Variants in CCDC60 observed in about 807,000 individuals in gnomAD.
CCDC60 encodes coiled-coil domain-containing protein 60.
A neutral mutation model predicts 63.5 loss-of-function variants in CCDC60; 54 were observed. The ratio of observed to expected loss-of-function variants is 0.85; its 90% CI spans 0.68 to 1.07. The LOEUF (loss-of-function observed/expected upper bound fraction) is 1.07, where lower values mean the gene tolerates loss of function less well. CCDC60 is among the 50% of genes least tolerant of loss of function. The pLI, the probability that CCDC60 is intolerant of heterozygous loss-of-function variation, is 0.00. For synonymous variants in CCDC60, 206 were observed against 238.8 expected, an observed-to-expected ratio of 0.86 and a Z score of 1.27; for missense variants, 651 against 684.3, an observed-to-expected ratio of 0.95 and a Z score of 0.54.
chr12:119,468,444 T>C (rs913428201), intron 2 of CCDC60, among the ~76,000 whole-genome samples: 3 of 152,172 alleles, frequency 2.0e-5, no homozygotes, highest in Non-Finnish European at 2.9e-5. Flanking sequence ...GACAAGAACA[T>C]GAGCTGAGCA....
chr12:119,445,473 C>A (rs1338463701), intron 2 of CCDC60, among the ~76,000 whole-genome samples: 11 of 112,050 alleles, frequency 9.8e-5, no homozygotes, highest in East Asian at 2.7e-4. Flanking sequence ...CTCTGAGAAG[C>A]ATTTTTCTGC....
chr12:119,439,347 C>T (rs1950393712), intron 2 of CCDC60, among the ~76,000 whole-genome samples: 1 of 151,944 alleles, frequency 6.6e-6, no homozygotes, highest in Non-Finnish European at 1.5e-5. Flanking sequence ...ATATGTAACT[C>T]CCCTAGACCT....
intron 2 of CCDC60, among the ~76,000 whole-genome samples, chr12:119,463,719 A>G (rs1390742492): frequency 1.3e-5 from 2 of 152,242 alleles, no homozygotes; most frequent in Non-Finnish European, 2.9e-5. Context: ...TACACTGGAA[A>G]CACTTGAGAA....
At position 119,435,616 on chromosome 12, in the gene CCDC60, AC is replaced by A. The variant is rs1394205959; in HGVS notation, c.170+6855del. Among the ~76,000 whole-genome samples, 4 of 152,202 alleles carry A rather than the reference AC, an allele frequency of 2.6e-5. No homozygotes were observed. The East Asian group carries it at 5.8e-4, about 22-fold the overall frequency. On this transcript the variant is annotated intron_variant, in intron 2 of 13. Transcript: ENST00000327554. The stretch of plus-strand genomic sequence containing the variant: ...GAAGTTTATATTTACATAGCATCTT[AC>A]AATCTTCCCCGAGGCAGGCAGGAAA...
At chr12:119,518,555 A>G (rs1952414170) in intron 8 of CCDC60, among the ~76,000 whole-genome samples, 1 of 152,226 alleles carries the variant, frequency 6.6e-6, no homozygotes, top group Non-Finnish European at 1.5e-5. Flanking sequence ...GGTTGTAGTG[A>G]GAATAAGATA....
chr12:119,440,137 G>A (rs1950413194), intron 2 of CCDC60, among the ~76,000 whole-genome samples: 1 of 152,128 alleles, frequency 6.6e-6, no homozygotes, highest in Non-Finnish European at 1.5e-5. Context: ...TAGATGACAG[G>A]TTGATAGGTG....
intron 1 of CCDC60, among the ~76,000 whole-genome samples, chr12:119,365,380 T>A (rs531953208): frequency 5.9e-5 from 9 of 152,342 alleles, no homozygotes; most frequent in African/African-American, 2.2e-4. Flanking sequence ...CTTTAGCATA[T>A]TGTCTGTGTT....
At chr12:119,465,171 G>A (rs554798935) in intron 2 of CCDC60, among the ~76,000 whole-genome samples, 89 of 152,144 alleles carry the variant, frequency 5.8e-4, no homozygotes, top group African/African-American at 2.1e-3. Context: ...CAATTAGCCA[G>A]GCCTGGTGGC....
intron 1 of CCDC60, among the ~76,000 whole-genome samples, chr12:119,354,469 T>C (rs1955696165): frequency 6.6e-6 from 1 of 152,172 alleles, no homozygotes; most frequent in Non-Finnish European, 1.5e-5. Context: ...AATCATCGGG[T>C]GTCTCCAGCT....
chr12:119,344,898 C>CACAA (rs1955575055), intron 1 of CCDC60, among the ~76,000 whole-genome samples: 2 of 119,030 alleles, frequency 1.7e-5, no homozygotes, highest in Admixed American at 1.7e-4. Flanking sequence ...CACACACACA[C>CACAA]AATCTCTCCT....
chr12:119,474,188 G>C (rs1004560812), intron 3 of CCDC60, among the ~76,000 whole-genome samples: 1 of 152,200 alleles, frequency 6.6e-6, no homozygotes, highest in African/African-American at 2.4e-5. Flanking sequence ...AAAAGGAATA[G>C]GTGTTGGCTT....
chr12:119,343,890 TC>T (rs1592977156), intron 1 of CCDC60, among the ~76,000 whole-genome samples: 1 of 152,028 alleles, frequency 6.6e-6, no homozygotes, highest in East Asian at 1.9e-4. Context: ...TTTCTTGGTA[TC>T]CTGTCTGAAA....
intron 2 of CCDC60, among the ~76,000 whole-genome samples, chr12:119,468,485 G>C (rs1950995916): frequency 6.6e-6 from 1 of 152,120 alleles, no homozygotes; most frequent in African/African-American, 2.4e-5. Flanking sequence ...GCAACTGACT[G>C]TCTGGGATGG....
At chr12:119,441,763 G>A (rs753798362) in intron 2 of CCDC60, among the ~76,000 whole-genome samples, 1 of 152,206 alleles carries the variant, frequency 6.6e-6, no homozygotes, top group Non-Finnish European at 1.5e-5. Context: ...TTTATTGCGT[G>A]AGGATAGCAC....
At chr12:119,351,079 C>G (rs911331325) in intron 1 of CCDC60, among the ~76,000 whole-genome samples, 2 of 152,228 alleles carry the variant, frequency 1.3e-5, no homozygotes, top group African/African-American at 4.8e-5. Context: ...ATCTTCAGCT[C>G]TTGAGCAATC....
At chr12:119,469,836 T>C (rs965407379) in intron 2 of CCDC60, among the ~76,000 whole-genome samples, 2 of 152,232 alleles carry the variant, frequency 1.3e-5, no homozygotes, top group Non-Finnish European at 2.9e-5. Flanking sequence ...CACAGGCCGA[T>C]GCAATAGAAA....
chr12:119,473,893 A>T (rs1000289738), intron 3 of CCDC60, among the ~76,000 whole-genome samples: 3 of 152,144 alleles, frequency 2.0e-5, no homozygotes, highest in African/African-American at 7.2e-5. Context: ...GACTAGTTCT[A>T]TATTTTTGCA....
intron 7 of CCDC60, among the ~76,000 whole-genome samples, chr12:119,505,693 T>G (rs1213088556): frequency 6.6e-6 from 1 of 152,184 alleles, no homozygotes; most frequent in Non-Finnish European, 1.5e-5. Context: ...CTGTCTCTAC[T>G]GCAAATGCAA....
chr12:119,529,783 G>C (rs1461666730), intron 12 of CCDC60, among the ~76,000 whole-genome samples: 1 of 152,154 alleles, frequency 6.6e-6, no homozygotes, highest in African/African-American at 2.4e-5. Context: ...AATTTGGGGG[G>C]AGGAGGAAAG....
Sources: gnomAD v4.1 joint callset for allele counts (sites outside exome capture counted in the v4.1 genomes callset) on GRCh38, gnomAD v4.1.1 for gene constraint, MANE v1.5 for transcripts, NCBI Gene and HGNC (gene_info 2026-07-23, HGNC 2026-07-21) for gene names.